Variants in PRLR observed in about 807,000 individuals in gnomAD.
The protein encoded by PRLR is prolactin receptor, also known as hPRL receptor.
Under a neutral mutation model 40.2 loss-of-function variants are expected in PRLR, and 13 were observed. The ratio of observed to expected loss-of-function variants is 0.32; its 90% CI spans 0.21 to 0.51. The LOEUF (loss-of-function observed/expected upper bound fraction) is 0.51. Ranked by LOEUF, PRLR falls within the 20% of genes least tolerant of loss-of-function variation. The pLI is 0.97. For synonymous variants in PRLR, 269 were observed against 278.7 expected (o/e 0.97, Z 0.35); for missense variants, 656 against 747.3 (o/e 0.88, Z 1.42).
chr5:35,123,211 C>T (rs1464653669), intron 1 of PRLR, among the ~76,000 whole-genome samples: 1 of 152,114 alleles, frequency 6.6e-6, no homozygotes, highest in Non-Finnish European at 1.5e-5. Flanking sequence ...AGAGTAGAGA[C>T]TCCTGACAGC....
intron 1 of PRLR, among the ~76,000 whole-genome samples, chr5:35,190,830 T>C (rs1775580929): frequency 6.6e-6 from 1 of 152,136 alleles, no homozygotes; most frequent in South Asian, 2.1e-4. Flanking sequence ...ACAAATCTTC[T>C]TTCCAACAGA....
intron 5 of PRLR, among the ~76,000 whole-genome samples, chr5:35,078,827 G>A (rs1331059413): frequency 1.3e-5 from 2 of 152,124 alleles, no homozygotes; most frequent in Non-Finnish European, 2.9e-5. Flanking sequence ...CTGGCAAACC[G>A]AATCCAGCAG....
chr5:35,194,233 A>C (rs1425956720), intron 1 of PRLR, among the ~76,000 whole-genome samples: 4 of 152,168 alleles, frequency 2.6e-5, no homozygotes, highest in African/African-American at 7.2e-5. Flanking sequence ...AGATGCCTAC[A>C]AAGTGCTGGG....
chr5:35,224,477 A>G (rs1458440074), intron 1 of PRLR, among the ~76,000 whole-genome samples: 1 of 152,202 alleles, frequency 6.6e-6, no homozygotes, highest in Non-Finnish European at 1.5e-5. Context: ...CTTTACTGCC[A>G]TTTCCCCCAG....
At chr5:35,122,049 T>A (rs562998666) in intron 1 of PRLR, among the ~76,000 whole-genome samples, 3 of 152,316 alleles carry the variant, frequency 2.0e-5, no homozygotes, top group Non-Finnish European at 4.4e-5. Flanking sequence ...TAATACATGG[T>A]AATTCATCAC....
At chr5:35,168,864 C>G (rs1182417064) in intron 1 of PRLR, among the ~76,000 whole-genome samples, 2 of 152,026 alleles carry the variant, frequency 1.3e-5, no homozygotes, top group African/African-American at 4.8e-5. Flanking sequence ...TTTCTTTATT[C>G]ATTTGATATA....
In PRLR at chr5:35,065,473, G is replaced by A. The variant is rs564926987; in HGVS notation, c.1485C>T (p.Pro495=). ...ETDQDTPWLL[P]QEKTPFGSAK... ...CGGAGCCAAAGGGGGTTTTCTCCTG[G>A]GGCAGCAGCCAGGGCGTATCCTGGT... Residue 495 remains proline (P), a synonymous_variant, in exon 10 of 10, where the codon CCC becomes CCT. Transcript: ENST00000618457. 18 of 1,614,132 alleles carry A rather than the reference G, an allele frequency of 1.1e-5. No individual in the cohort carries two copies. The South Asian group carries it at 1.9e-4, about 17-fold the overall frequency.
At chr5:35,212,644 C>T (rs760269143) in intron 1 of PRLR, among the ~76,000 whole-genome samples, 1 of 152,150 alleles carries the variant, frequency 6.6e-6, no homozygotes, top group African/African-American at 2.4e-5. Flanking sequence ...GTCAGTTATA[C>T]TGCCTAAATG....
intron 1 of PRLR, among the ~76,000 whole-genome samples, chr5:35,163,357 C>T (rs563979640): frequency 4.5e-4 from 68 of 152,296 alleles, no homozygotes; most frequent in African/African-American, 1.6e-3. Context: ...GACAACGAGT[C>T]CCTAAGTCTT....
At chr5:35,050,402 A>G (rs1198291003) in intron 8 of PRLR, among the ~76,000 whole-genome samples, 1 of 152,144 alleles carries the variant, frequency 6.6e-6, no homozygotes, top group Non-Finnish European at 1.5e-5. Flanking sequence ...ATTATTTCTG[A>G]CTTATAAGTG....
intron 1 of PRLR, among the ~76,000 whole-genome samples, chr5:35,183,454 A>G (rs1307040043): frequency 2.0e-5 from 3 of 152,212 alleles, no homozygotes; most frequent in African/African-American, 4.8e-5. Flanking sequence ...AGAACTGGGT[A>G]CAGGGCTCTT....
At chr5:35,216,707 A>C (rs1776296169) in intron 1 of PRLR, among the ~76,000 whole-genome samples, 1 of 152,218 alleles carries the variant, frequency 6.6e-6, no homozygotes, top group Non-Finnish European at 1.5e-5. Context: ...GGAGACATGG[A>C]CAATGATTTG....
At chr5:35,186,791 ATT>A (rs1310773086) in intron 1 of PRLR, among the ~76,000 whole-genome samples, 1 of 152,174 alleles carries the variant, frequency 6.6e-6, no homozygotes, top group Non-Finnish European at 1.5e-5. Flanking sequence ...TTAAAAATCT[ATT>A]TGATTCACTG....
intron 1 of PRLR, among the ~76,000 whole-genome samples, chr5:35,217,524 T>A: frequency 6.6e-6 from 1 of 152,188 alleles, no homozygotes. Flanking sequence ...TACTGGGGGA[T>A]CAGCAATAGT....
At position 35,230,306 on chromosome 5, in the gene PRLR, G is replaced by A. The variant is rs931385453; in HGVS notation, c.-144C>T. 1 of 152,288 alleles carries A rather than the reference G, an allele frequency of 6.6e-6. No individual in the cohort carries two copies. Among genetic ancestry groups the A allele is most frequent in the Non-Finnish European group, 1.5e-5 (1 of 68,084 alleles). 9.4% of individuals were successfully genotyped at this position (152,288 alleles called of 1,614,324 possible). On this transcript the variant is annotated 5_prime_UTR_variant, in exon 1 of 10. Coordinates refer to ENST00000618457, the MANE Select transcript of PRLR (RefSeq NM_000949.7). ...CAAAGTCTGCCACATCAGTCGATGA[G>A]TACTTCCTGCACGAGGACATGAAGC...
chr5:35,173,359 A>G (rs183748783), intron 1 of PRLR, among the ~76,000 whole-genome samples: 6 of 152,348 alleles, frequency 3.9e-5, no homozygotes, highest in Non-Finnish European at 8.8e-5. Flanking sequence ...TATTTTGGGT[A>G]TAGGGTCCAT....
At chr5:35,129,601 C>T (rs1255307850) in intron 1 of PRLR, among the ~76,000 whole-genome samples, 1 of 152,082 alleles carries the variant, frequency 6.6e-6, no homozygotes, top group African/African-American at 2.4e-5. Context: ...AGAAGCTTTG[C>T]CAAATCCACC....
chr5:35,080,698 A>G (rs35274063), intron 5 of PRLR, among the ~76,000 whole-genome samples: 27 of 152,152 alleles, frequency 1.8e-4, no homozygotes, highest in Non-Finnish European at 3.5e-4. Flanking sequence ...CTGCGTATAT[A>G]CCCAAGGGAT....
At position 35,057,757 on chromosome 5, in the gene PRLR, T is replaced by TA. The variant is rs1411875224; in HGVS notation, c.*7331dup. 2 of 152,066 alleles carry TA rather than the reference T, an allele frequency of 1.3e-5. No homozygotes were observed. The highest frequency in any genetic ancestry group is 2.9e-5 in the Non-Finnish European group (2 of 67,976). The allele number at this position is 152,066 out of a possible 1,614,324, so 9.4% of individuals were successfully genotyped here. ...ATAGTCTTCTATAAATCTTTAAGTCTAAAAAAATAGACATTACAATAACTA... is the reference window on the plus strand; with the variant it reads ...ATAGTCTTCTATAAATCTTTAAGTCTAAAAAAAATAGACATTACAATAACTA... On this transcript the variant is annotated 3_prime_UTR_variant, in exon 10 of 10. Transcript: ENST00000618457.
Sources: allele counts gnomAD v4.1 joint callset (sites outside exome capture counted in the v4.1 genomes callset), GRCh38; gene constraint gnomAD v4.1.1; transcripts MANE v1.5; gene names NCBI Gene and HGNC (gene_info 2026-07-23, HGNC 2026-07-21).